The following HECW2 variants were observed in gnomAD, a reference collection of about 807,000 sequenced individuals.
HECW2 encodes the protein E3 ubiquitin-protein ligase HECW2.
In HECW2, 61 loss-of-function variants were observed where a neutral mutation model predicts 175.2. The ratio of observed to expected loss-of-function variants is 0.35; its 90% CI spans 0.28 to 0.43. HECW2 has a LOEUF of 0.43. HECW2 is among the 20% of genes least tolerant of loss of function. The probability of loss-of-function intolerance (pLI) is 1.00; values close to 1 mark genes in which losing one functional copy is unlikely to be tolerated. For missense variants in HECW2, 1,524 were observed against 2,000.5 expected, an observed-to-expected ratio of 0.76 and a Z score of 4.54; for synonymous variants, 671 against 731.0, an observed-to-expected ratio of 0.92 and a Z score of 1.32.
chr2:196,201,408 C>G lies in HECW2; in HGVS notation c.4608-20G>C. 6.4e-7 allele frequency: 1 copy of G among 1,550,878 alleles called. No homozygotes were observed. The highest frequency in any genetic ancestry group is 1.4e-5 in the African/African-American group (1 of 73,664). On this transcript the variant is annotated intron_variant, in intron 28 of 28. Coordinates refer to ENST00000644978, the MANE Select transcript of HECW2 (RefSeq NM_001348768.2). ...TGCGCTCTGAAAACACAAGAAACAG[C>G]ACATAGTTTAGAACAGGCCGAGTGA... is the stretch of plus-strand genomic sequence containing the variant.
chr2:196,385,409 T>G (rs1694319092), intron 2 of HECW2, among the ~76,000 whole-genome samples: 1 of 152,184 alleles, frequency 6.6e-6, no homozygotes, highest in South Asian at 2.1e-4. Context: ...ATGATCTCAC[T>G]AGAAGGTAAT....
chr2:196,360,462 G>C (rs771710831), intron 2 of HECW2, among the ~76,000 whole-genome samples: 1 of 152,112 alleles, frequency 6.6e-6, no homozygotes, highest in African/African-American at 2.4e-5. Context: ...ACCAAATACT[G>C]CATGTTCTCA....
chr2:196,385,328 G>T (rs958608087), intron 2 of HECW2, among the ~76,000 whole-genome samples: 5 of 152,108 alleles, frequency 3.3e-5, no homozygotes, highest in Non-Finnish European at 7.4e-5. Flanking sequence ...GAATATAAAA[G>T]CTCTAGTTAC....
intron 1 of HECW2, among the ~76,000 whole-genome samples, chr2:196,535,244 C>G (rs1403666555): frequency 6.6e-6 from 1 of 152,136 alleles, no homozygotes; most frequent in East Asian, 1.9e-4. Flanking sequence ...AACACAAAAT[C>G]AAGATCAGTA....
At chr2:196,553,030 G>A (rs865967757) in intron 1 of HECW2, among the ~76,000 whole-genome samples, 33 of 152,338 alleles carry the variant, frequency 2.2e-4, no homozygotes, top group Middle Eastern at 3.4e-3. Flanking sequence ...GCCCCAGAAG[G>A]GGTGGGCGAG....
intron 1 of HECW2, among the ~76,000 whole-genome samples, chr2:196,510,515 A>C (rs1199473910): frequency 1.3e-5 from 2 of 152,188 alleles, no homozygotes; most frequent in South Asian, 2.1e-4. Flanking sequence ...GCACACACTC[A>C]GGAAGACTTA....
chr2:196,283,974 A>G (rs1690287945), intron 14 of HECW2, among the ~76,000 whole-genome samples: 1 of 152,198 alleles, frequency 6.6e-6, no homozygotes, highest in African/African-American at 2.4e-5. Context: ...CCAAAGCCCA[A>G]TGAGCAATAT....
At chr2:196,533,324 G>A (rs1007579590) in intron 1 of HECW2, among the ~76,000 whole-genome samples, 3 of 152,198 alleles carry the variant, frequency 2.0e-5, no homozygotes, top group Admixed American at 2.0e-4. Flanking sequence ...TATTTCCAGT[G>A]TTAAGTTTCT....
rs1689126878 is a variant in HECW2, at chr2:196,257,887, G to A, written c.3355C>T (p.Arg1119Ter). Residue 1119 changes from arginine to a stop codon, truncating the protein, a stop_gained, in exon 18 of 29, where the codon CGA (arginine) becomes TGA (stop). Coordinates refer to ENST00000644978, the MANE Select transcript of HECW2 (RefSeq NM_001348768.2). LOFTEE classifies it high-confidence loss of function. ...ACCAATCCTGGAGTCCCTTCAGTTC[G>A]GATAAATTGGATCTTCTCCCTAATC... ...HSLREKIQFIRTEGTPGLVRL... is the reference protein window; with the variant it reads ...HSLREKIQFI 4 of 1,613,438 alleles carry A rather than the reference G, an allele frequency of 2.5e-6. No homozygotes were observed. Among genetic ancestry groups the A allele is most frequent in the Middle Eastern group, 1.6e-4 (1 of 6,084 alleles).
chr2:196,452,666 T>C (rs989201667), intron 1 of HECW2, among the ~76,000 whole-genome samples: 2 of 152,078 alleles, frequency 1.3e-5, no homozygotes, highest in African/African-American at 4.8e-5. Context: ...CATGAGCACC[T>C]GCACAAAAGA....
chr2:196,454,766 C>T (rs1696453024), intron 1 of HECW2, among the ~76,000 whole-genome samples: 2 of 152,158 alleles, frequency 1.3e-5, no homozygotes, highest in South Asian at 4.1e-4. Context: ...GTTCAAATCT[C>T]AGCTCTGCCA....
At chr2:196,578,627 T>G (rs1381063346) in intron 1 of HECW2, among the ~76,000 whole-genome samples, 3 of 152,130 alleles carry the variant, frequency 2.0e-5, no homozygotes, top group Non-Finnish European at 4.4e-5. Flanking sequence ...TATTCCAGCA[T>G]GTACAGGGAA....
chr2:196,255,793 C>T (rs1689031985), intron 18 of HECW2, among the ~76,000 whole-genome samples: 1 of 152,192 alleles, frequency 6.6e-6, no homozygotes, highest in South Asian at 2.1e-4. Flanking sequence ...AAATAAAGGG[C>T]TGAGCGCTGT....
intron 1 of HECW2, among the ~76,000 whole-genome samples, chr2:196,546,295 C>A (rs75943628): frequency 0.011 from 1,727 of 152,308 alleles, 34 homozygotes; most frequent in African/African-American, 0.037. Context: ...GTTCTCTCCC[C>A]AAACCTTTGT....
At chr2:196,373,949 G>A (rs1405999281) in intron 2 of HECW2, among the ~76,000 whole-genome samples, 1 of 150,928 alleles carries the variant, frequency 6.6e-6, no homozygotes, top group African/African-American at 2.4e-5. Flanking sequence ...GGAGAATGGC[G>A]TGAACCCGGG....
intron 1 of HECW2, among the ~76,000 whole-genome samples, chr2:196,534,299 TTACTC>T (rs1688945287): frequency 1.3e-5 from 2 of 152,296 alleles, no homozygotes; most frequent in South Asian, 4.1e-4. Context: ...AAAAAAATCT[TTACTC>T]TACTTTGTTC....
intron 13 of HECW2, among the ~76,000 whole-genome samples, chr2:196,298,335 A>T (rs1690895544): frequency 6.6e-6 from 1 of 151,146 alleles, no homozygotes; most frequent in Admixed American, 6.6e-5. Context: ...TAATTCCTAA[A>T]GCAACCACAA....
At chr2:196,380,751 G>A (rs1296756265) in intron 2 of HECW2, among the ~76,000 whole-genome samples, 1 of 152,152 alleles carries the variant, frequency 6.6e-6, no homozygotes, top group African/African-American at 2.4e-5. Context: ...TTGTTTTCAT[G>A]ACTACCATGG....
chr2:196,248,729 A>G (rs776193795), intron 19 of HECW2, among the ~76,000 whole-genome samples: 1 of 151,488 alleles, frequency 6.6e-6, no homozygotes. Flanking sequence ...AAGATGACAT[A>G]AACAGCTGGT....
Sources: allele counts gnomAD v4.1 joint callset (sites outside exome capture counted in the v4.1 genomes callset), GRCh38; gene constraint gnomAD v4.1.1; transcripts MANE v1.5; gene names NCBI Gene and HGNC (gene_info 2026-07-23, HGNC 2026-07-21).